MARCHF11: variants seen among roughly 807,000 people sequenced by gnomAD.
The protein encoded by MARCHF11 is E3 ubiquitin-protein ligase MARCHF11.
MARCHF11 carries 29 observed loss-of-function variants against 37.3 expected under a neutral mutation model. The ratio of observed to expected loss-of-function variants is 0.78; its 90% confidence interval spans 0.58 to 1.06. The LOEUF is 1.06. Ranked by LOEUF, MARCHF11 falls within the 50% of genes least tolerant of loss-of-function variation. The probability of loss-of-function intolerance (pLI) is 0.00; values close to 1 mark genes in which losing one functional copy is unlikely to be tolerated. For missense variants in MARCHF11, 482 were observed against 533.4 expected (o/e 0.90, Z 0.95); for synonymous variants, 233 against 228.0 (o/e 1.02, Z -0.20).
At chr5:16,095,651 C>T (rs1736856598) in intron 2 of MARCHF11, among the ~76,000 whole-genome samples, 2 of 152,228 alleles carry the variant, frequency 1.3e-5, no homozygotes, top group African/African-American at 2.4e-5. Flanking sequence ...TCTGTCCATA[C>T]CTGGCACTAA....
intron 2 of MARCHF11, among the ~76,000 whole-genome samples, chr5:16,121,656 T>A (rs534873327): frequency 8.5e-5 from 13 of 152,276 alleles, no homozygotes; most frequent in Admixed American, 6.5e-4. Context: ...AGGGCCAAGG[T>A]ACAAGTAAGT....
intron 2 of MARCHF11, among the ~76,000 whole-genome samples, chr5:16,135,542 G>T (rs748691335): frequency 6.6e-6 from 1 of 152,020 alleles, no homozygotes; most frequent in Non-Finnish European, 1.5e-5. Flanking sequence ...AAAAAGAAAG[G>T]CTCAAAGAAA....
intron 2 of MARCHF11, among the ~76,000 whole-genome samples, chr5:16,161,255 G>A (rs1738072412): frequency 7.3e-6 from 1 of 137,142 alleles, no homozygotes; most frequent in African/African-American, 2.8e-5. Flanking sequence ...AAAGCAATCA[G>A]CCAAATTCAG....
chr5:16,139,917 C>T (rs1488966120), intron 2 of MARCHF11, among the ~76,000 whole-genome samples: 2 of 151,990 alleles, frequency 1.3e-5, no homozygotes, highest in Non-Finnish European at 2.9e-5. Context: ...TTTTCACTAT[C>T]AATAGAAAAA....
chr5:16,177,854 C>T lies in MARCHF11; in HGVS notation c.565G>A (p.Asp189Asn), dbSNP rs1243415459. 2.5e-6 allele frequency: 4 copies of T among 1,611,762 alleles called. No individual in the cohort carries two copies. In the South Asian group the frequency reaches 3.3e-5, roughly 13 times the overall value. ...QGELLNPCRC[D>N]GSVRYTHQLC... ...TGATGTGTATACCGAACTGACCCAT[C>T]ACATCGGCAGGGGTTCAACAACTCA... is the stretch of plus-strand genomic sequence containing the variant. The change falls in exon 2 of 4, where the codon GAT becomes AAT. Residue 189 changes from aspartate (D) to asparagine (N), a missense_variant. Physicochemically the swap from Asp to Asn is conservative, Grantham distance 23. Coordinates refer to ENST00000332432, the MANE Select transcript of MARCHF11 (RefSeq NM_001102562.3).
chr5:16,112,020 C>T (rs140673959), intron 2 of MARCHF11, among the ~76,000 whole-genome samples: 5 of 152,296 alleles, frequency 3.3e-5, no homozygotes, highest in Admixed American at 2.6e-4. Context: ...GGAACCTCCA[C>T]GTAGACTTCA....
rs1161390913 is a variant in MARCHF11 at position 16,179,684 on chromosome 5, G to C, written c.-109C>G. 2 of 734,362 alleles carry C rather than the reference G, an allele frequency of 2.7e-6. No homozygotes were observed. The highest frequency in any genetic ancestry group is 4.0e-5 in the African/African-American group (2 of 50,506). The allele number at this position is 734,362 out of a possible 1,614,324, so 45.5% of individuals were successfully genotyped here. ...AGGGAGAGGGGAAAAGGAGGGAGGG[G>C]GCCCGGACGCCTGGGGCTAGGGGGC... On this transcript the variant is annotated 5_prime_UTR_variant, in exon 1 of 4. Coordinates refer to ENST00000332432, the MANE Select transcript of MARCHF11 (RefSeq NM_001102562.3).
intron 2 of MARCHF11, among the ~76,000 whole-genome samples, chr5:16,158,736 T>G (rs1029166465): frequency 3.3e-5 from 5 of 152,004 alleles, no homozygotes; most frequent in African/African-American, 1.2e-4. Context: ...AGGGTACATG[T>G]GCAGGATGTG....
At chr5:16,118,737 CA>C (rs1325681923) in intron 2 of MARCHF11, among the ~76,000 whole-genome samples, 4 of 152,136 alleles carry the variant, frequency 2.6e-5, no homozygotes, top group Non-Finnish European at 5.9e-5. Context: ...GAGGATGCCA[CA>C]TACCATGTTC....
At chr5:16,163,147 C>T (rs535979356) in intron 2 of MARCHF11, among the ~76,000 whole-genome samples, 12 of 151,930 alleles carry the variant, frequency 7.9e-5, no homozygotes, top group Middle Eastern at 3.4e-3. Flanking sequence ...ATAATCAAGA[C>T]GCTCTGGAGG....
At chr5:16,127,095 G>T (rs1737421303) in intron 2 of MARCHF11, among the ~76,000 whole-genome samples, 1 of 152,058 alleles carries the variant, frequency 6.6e-6, no homozygotes, top group Non-Finnish European at 1.5e-5. Context: ...AGTTTCACAG[G>T]GTTAGGTGGA....
At chr5:16,093,468 G>A (rs1362924478) in intron 2 of MARCHF11, among the ~76,000 whole-genome samples, 1 of 152,170 alleles carries the variant, frequency 6.6e-6, no homozygotes, top group Non-Finnish European at 1.5e-5. Context: ...TTGGCAGGAT[G>A]GAAGTGATGG....
chr5:16,071,936 CT>C (rs1736444454), intron 3 of MARCHF11, among the ~76,000 whole-genome samples: 1 of 152,148 alleles, frequency 6.6e-6, no homozygotes, highest in South Asian at 2.1e-4. Context: ...CAAACAGGTA[CT>C]AGTTTTTGTG....
intron 2 of MARCHF11, among the ~76,000 whole-genome samples, chr5:16,167,179 TG>T (rs1738186100): frequency 6.6e-6 from 1 of 151,680 alleles, no homozygotes; most frequent in Non-Finnish European, 1.5e-5. Flanking sequence ...TGTGTGTGTG[TG>T]TGTAAGAGAG....
intron 2 of MARCHF11, among the ~76,000 whole-genome samples, chr5:16,139,987 G>A (rs1312296223): frequency 6.6e-6 from 1 of 152,110 alleles, no homozygotes; most frequent in East Asian, 1.9e-4. Flanking sequence ...TGTTGACAAT[G>A]TAATAAAAAT....
chr5:16,122,599 C>A (rs1737329294), intron 2 of MARCHF11, among the ~76,000 whole-genome samples: 2 of 152,312 alleles, frequency 1.3e-5, no homozygotes, highest in South Asian at 4.1e-4. Flanking sequence ...CAGTTTTGAT[C>A]CACACCATCT....
chr5:16,138,360 T>C (rs551009335), intron 2 of MARCHF11, among the ~76,000 whole-genome samples: 16 of 152,320 alleles, frequency 1.1e-4, no homozygotes, highest in Non-Finnish European at 1.5e-4. Flanking sequence ...ACACGTGGTG[T>C]TGGGCCCGCA....
chr5:16,113,649 A>C (rs1737184259), intron 2 of MARCHF11, among the ~76,000 whole-genome samples: 2 of 152,060 alleles, frequency 1.3e-5, no homozygotes, highest in African/African-American at 4.8e-5. Context: ...AAAATGTAAC[A>C]CAGTATTTTT....
chr5:16,094,271 G>T (rs1736830697), intron 2 of MARCHF11, among the ~76,000 whole-genome samples: 1 of 152,168 alleles, frequency 6.6e-6, no homozygotes, highest in Non-Finnish European at 1.5e-5. Context: ...CCTTGTCCTT[G>T]GAGGGTGTGC....
Sources: gnomAD v4.1 joint callset for allele counts (sites outside exome capture counted in the v4.1 genomes callset) on GRCh38, gnomAD v4.1.1 for gene constraint, MANE v1.5 for transcripts, NCBI Gene and HGNC (gene_info 2026-07-23, HGNC 2026-07-21) for gene names.